CCDC171: variants seen among roughly 807,000 people sequenced by gnomAD.
CCDC171 encodes the protein coiled-coil domain containing 171, also known as coiled-coil domain-containing protein 171.
A neutral mutation model predicts 168.2 loss-of-function variants in CCDC171; 177 were observed. The ratio of observed to expected loss-of-function variants is 1.05; its 90% CI spans 0.93 to 1.19. The LOEUF (loss-of-function observed/expected upper bound fraction) is 1.19, where lower values mean the gene tolerates loss of function less well. CCDC171 is among the 50% of genes most tolerant of loss of function. The pLI is 0.00. For synonymous variants in CCDC171, 687 were observed against 540.8 expected (o/e 1.27, Z -3.75); for missense variants, 1,991 against 1,539.0 (o/e 1.29, Z -4.91).
At chr9:15,994,491 G>A (rs1412188521) in intron 3 of CCDC171, among the ~76,000 whole-genome samples, 1 of 152,164 alleles carries the variant, frequency 6.6e-6, no homozygotes, top group African/African-American at 2.4e-5. Context: ...TGTAAATGAC[G>A]AGTTAATGGG....
At chr9:15,753,577 A>G (rs953136937) in intron 18 of CCDC171, among the ~76,000 whole-genome samples, 11 of 152,126 alleles carry the variant, frequency 7.2e-5, no homozygotes, top group African/African-American at 9.7e-5. Context: ...TATTGACACA[A>G]TAATTAAGAC....
At chr9:15,586,293 C>A (rs1181698943) in intron 4 of CCDC171, among the ~76,000 whole-genome samples, 1 of 152,128 alleles carries the variant, frequency 6.6e-6, no homozygotes, top group East Asian at 1.9e-4. Context: ...ACAATACTTT[C>A]AACTTTCTGT....
chr9:16,045,666 C>T (rs1295152026), intron 1 of CCDC171, among the ~76,000 whole-genome samples: 2 of 152,202 alleles, frequency 1.3e-5, no homozygotes, highest in Non-Finnish European at 2.9e-5. Flanking sequence ...GCATTCTCTT[C>T]TAGAGCCAGA....
intron 6 of CCDC171, among the ~76,000 whole-genome samples, chr9:15,595,664 G>T (rs2042295106): frequency 6.6e-6 from 1 of 152,210 alleles, no homozygotes; most frequent in African/African-American, 2.4e-5. Context: ...TATATACCCA[G>T]TAATGGGATG....
intron 21 of CCDC171, among the ~76,000 whole-genome samples, chr9:15,798,000 A>T (rs118081246): frequency 6.6e-6 from 1 of 152,030 alleles, no homozygotes; most frequent in Admixed American, 6.6e-5. Flanking sequence ...TCATTGATCT[A>T]TATGTCTTCC....
intron 21 of CCDC171, among the ~76,000 whole-genome samples, chr9:15,840,460 TA>T (rs1318941790): frequency 6.6e-6 from 1 of 152,140 alleles, no homozygotes; most frequent in Non-Finnish European, 1.5e-5. Context: ...CTATAGCTGA[TA>T]AGGTCCAACA....
At chr9:15,922,416 G>A (rs1167710830) in intron 25 of CCDC171, among the ~76,000 whole-genome samples, 3 of 151,660 alleles carry the variant, frequency 2.0e-5, no homozygotes, top group East Asian at 1.9e-4. Flanking sequence ...TTTGTATTTC[G>A]TAGATGAGAG....
chr9:15,902,354 G>A (rs116580700), intron 24 of CCDC171, among the ~76,000 whole-genome samples: 1,859 of 151,392 alleles, frequency 0.012, 27 homozygotes, highest in African/African-American at 0.043. Context: ...CTTTTGTTAC[G>A]AATGTAGAAA....
At chr9:15,641,309 G>A (rs1376582067) in intron 7 of CCDC171, among the ~76,000 whole-genome samples, 1 of 152,102 alleles carries the variant, frequency 6.6e-6, no homozygotes, top group Non-Finnish European at 1.5e-5. Context: ...TTTTCTTGAT[G>A]TCTATTTTGG....
At chr9:15,575,200 C>G (rs994882865) in intron 3 of CCDC171, among the ~76,000 whole-genome samples, 2 of 124,818 alleles carry the variant, frequency 1.6e-5, no homozygotes, top group South Asian at 5.2e-4. Context: ...GGGTCTCGCT[C>G]TGTCACCCAG....
At chr9:16,084,989 A>G in the CCDC171 span, among the ~76,000 whole-genome samples, 12 of 152,206 alleles carry the variant, frequency 7.9e-5, no homozygotes, top group African/African-American at 2.2e-4. Flanking sequence ...ACACCTAAAA[A>G]TTATGTGTGT....
intron 21 of CCDC171, among the ~76,000 whole-genome samples, chr9:15,785,885 T>G (rs2057926382): frequency 6.6e-6 from 1 of 151,954 alleles, no homozygotes; most frequent in South Asian, 2.1e-4. Context: ...TTATTATGAT[T>G]TTGATTTTTT....
chr9:15,774,680 C>A (rs2057211798), intron 18 of CCDC171, among the ~76,000 whole-genome samples: 1 of 152,182 alleles, frequency 6.6e-6, no homozygotes, highest in Non-Finnish European at 1.5e-5. Context: ...GTACAATTTG[C>A]AATTGCAAAA....
intron 4 of CCDC171, chr9:15,587,633 G>C (rs1405543059): frequency 1.3e-5 from 6 of 456,702 alleles, no homozygotes; most frequent in Non-Finnish European, 1.8e-5. Flanking sequence ...GAGCCATCCA[G>C]ATCCTTCTCC....
chr9:15,843,540 G>C (rs1236878324), intron 21 of CCDC171, among the ~76,000 whole-genome samples: 1 of 151,982 alleles, frequency 6.6e-6, no homozygotes, highest in Admixed American at 6.6e-5. Context: ...AGGCTGTGCT[G>C]TTCTGATAAC....
At chr9:15,792,257 A>C (rs1367513658) in intron 21 of CCDC171, among the ~76,000 whole-genome samples, 2 of 152,232 alleles carry the variant, frequency 1.3e-5, no homozygotes, top group African/African-American at 4.8e-5. Context: ...ATGAAGTGAG[A>C]AGAGAAGTTT....
chr9:15,572,861 A>G (rs2040344219), intron 3 of CCDC171, among the ~76,000 whole-genome samples: 1 of 152,208 alleles, frequency 6.6e-6, no homozygotes, highest in African/African-American at 2.4e-5. Flanking sequence ...TGTGTATTGA[A>G]TAAATGTATG....
At chr9:16,029,541 A>G (rs544169640) in intron 6 of CCDC171, among the ~76,000 whole-genome samples, 1 of 152,332 alleles carries the variant, frequency 6.6e-6, no homozygotes, top group East Asian at 1.9e-4. Context: ...GAATAGGGGC[A>G]GTAGGAGTGC....
intron 25 of CCDC171, among the ~76,000 whole-genome samples, chr9:15,948,984 C>T (rs150787464): frequency 0.095 from 14,279 of 150,422 alleles, 873 homozygotes; most frequent in Non-Finnish European, 0.14. Flanking sequence ...TAATCCATCT[C>T]GAATTGATTT....
Sources: gnomAD v4.1 joint callset for allele counts (sites outside exome capture counted in the v4.1 genomes callset) on GRCh38, gnomAD v4.1.1 for gene constraint, MANE v1.5 for transcripts, NCBI Gene and HGNC (gene_info 2026-07-23, HGNC 2026-07-21) for gene names.